ARL5C: variants seen among roughly 807,000 people sequenced by gnomAD.
ARL5C encodes the protein putative ADP-ribosylation factor-like protein 5C.
Under a neutral mutation model 20.8 loss-of-function variants are expected in ARL5C, and 21 were observed. The observed-to-expected ratio is 1.01, with a 90% CI of 0.72 to 1.46. The LOEUF (loss-of-function observed/expected upper bound fraction) is 1.46. Ranked by LOEUF, ARL5C falls within the 40% of genes most tolerant of loss-of-function variation. The pLI, the probability that ARL5C is intolerant of heterozygous loss-of-function variation, is 0.00. For synonymous variants in ARL5C, 71 were observed against 81.6 expected (o/e 0.87, Z 0.70); for missense variants, 199 against 225.1 (o/e 0.88, Z 0.74).
At position 39,165,814 on chromosome 17, in the gene ARL5C, G is replaced by A; in HGVS notation, c.-54C>T. The A allele has an allele frequency of 6.5e-7, 1 of 1,545,620 alleles. No homozygotes were observed. Among genetic ancestry groups the A allele is most frequent in the Middle Eastern group, 1.7e-4 (1 of 5,982 alleles). On this transcript the variant is annotated 5_prime_UTR_variant, in exon 1 of 6. Transcript: ENST00000269586. ...AGGGCTCAGCGGCCTCAGGAGCGGA[G>A]TCGGCCCTGGTATTCGGAGCTCCGC...
chr17:39,158,905 T>C (rs1044987189), intron 5 of ARL5C, among the ~76,000 whole-genome samples: 1 of 151,572 alleles, frequency 6.6e-6, no homozygotes, highest in Admixed American at 6.6e-5. Flanking sequence ...CTCCAACTCC[T>C]GGCCCCAAGC....
Position 39,162,703 on chromosome 17 carries a change from C to T in ARL5C, c.255+8G>A, listed in dbSNP as rs1364953251. On this transcript the variant is annotated splice_region_variant and intron_variant, in intron 3 of 5. Coordinates refer to ENST00000269586, the MANE Select transcript of ARL5C (RefSeq NM_001143968.1). ...TTGGAGACCCTTCAGCCCTGGTGCC[C>T]TCCTCACCTCAGTGTTGGAGTAGTA... 4 of 1,551,090 alleles carry T rather than the reference C, an allele frequency of 2.6e-6. No homozygotes were observed. The highest frequency in any genetic ancestry group is 3.5e-6 in the Non-Finnish European group (4 of 1,146,666).
intron 5 of ARL5C, chr17:39,160,340 G>T: frequency 5.7e-6 from 2 of 351,078 alleles, no homozygotes; most frequent in Non-Finnish European, 1.0e-5. Context: ...AAAAAAAAAA[G>T]AGAGAGAGAT....
chr17:39,161,136 C>G, intron 4 of ARL5C, 132 bp downstream of exon 4: 1 of 834,928 alleles, frequency 1.2e-6, no homozygotes, highest in Non-Finnish European at 1.9e-6. Flanking sequence ...ACAAACCAGC[C>G]CTCCTCATGC....
At chr17:39,163,380 T>TTC (rs1230556478) in intron 2 of ARL5C, among the ~76,000 whole-genome samples, 1 of 133,368 alleles carries the variant, frequency 7.5e-6, no homozygotes, top group African/African-American at 3.4e-5. Context: ...CTTTCTTTCT[T>TTC]TCTTTCTTTC....
chr17:39,162,427 A>G (rs990197866), intron 3 of ARL5C, among the ~76,000 whole-genome samples: 6 of 152,016 alleles, frequency 3.9e-5, no homozygotes, highest in Non-Finnish European at 8.8e-5. Flanking sequence ...CAGCCTCCCG[A>G]GTAGCTGGGA....
At position 39,156,924 on chromosome 17, in the gene ARL5C, C is replaced by A; in HGVS notation, c.510G>T (p.Gln170His). The A allele has an allele frequency of 6.4e-7, 1 of 1,551,856 alleles. No homozygotes were observed. ...LTREGLPARL[Q>H]WMESQAAAN ...TAGCAGCGGCCTGAGATTCCATCCA[C>A]TGAAGTCTGGCAGGCAGCCTGCAGG... The change falls in exon 6 of 6, where the codon CAG (glutamine) becomes CAT (histidine). Residue 170 changes from glutamine (Q) to histidine (H), a missense_variant. Gln to His is a conservative substitution (Grantham distance 24). Transcript: ENST00000269586.
At chr17:39,158,775 T>C (rs910580171) in intron 5 of ARL5C, among the ~76,000 whole-genome samples, 2 of 152,066 alleles carry the variant, frequency 1.3e-5, no homozygotes, top group Non-Finnish European at 2.9e-5. Context: ...CTGCTTAGTG[T>C]CCCTTGTCAG....
rs1193197640 is a variant in ARL5C, at chr17:39,162,803, TCTC to T, written c.160_162del (p.Glu54del). On this transcript the variant is annotated inframe_deletion, in exon 3 of 6. Coordinates refer to ENST00000269586, the MANE Select transcript of ARL5C (RefSeq NM_001143968.1). The stretch of plus-strand genomic sequence containing the variant: ...AAGAAGTGGGTCTTCGGCAGAATGA[TCTC>T]CTCCACGTTGCTGCCAATGGTGGGA... The T allele has an allele frequency of 3.2e-6, 5 of 1,551,500 alleles. No individual in the cohort carries two copies. The highest frequency in any genetic ancestry group is 1.2e-5 in the South Asian group (1 of 84,036).
chr17:39,160,786 AG>A (rs2045430705), intron 4 of ARL5C, 44 bp from the exon 5 acceptor site: 1 of 1,544,008 alleles, frequency 6.5e-7, no homozygotes, highest in East Asian at 2.4e-5. Flanking sequence ...GCTAGTGCCC[AG>A]CCTTCCTTCC....
Position 39,160,621 on chromosome 17 carries a change from A to G in ARL5C, c.461T>C (p.Ile154Thr), listed in dbSNP as rs1263721610. ...CCTGGTGAGGGCACAGCAGCCTTGT[A>G]TATGCCACGAGTGGTCTTTGATGGT... ...LSTIKDHSWHIQGCCALTREG... is the reference protein window; with the variant it reads ...LSTIKDHSWHTQGCCALTREG... The change falls in exon 5 of 6, where the codon ATA (isoleucine) becomes ACA (threonine). Residue 154 changes from isoleucine (I) to threonine (T), a missense_variant. Ile to Thr is a moderately conservative substitution (Grantham distance 89, BLOSUM62 -1). Coordinates refer to ENST00000269586, the MANE Select transcript of ARL5C (RefSeq NM_001143968.1). The G allele has an allele frequency of 1.9e-6, 3 of 1,551,756 alleles. No homozygotes were observed. The highest frequency in any genetic ancestry group is 2.0e-5 in the Admixed American group (1 of 50,986).
chr17:39,163,008 T>A, intron 2 of ARL5C, 150 bp from the exon 3 acceptor site: 1 of 909,630 alleles, frequency 1.1e-6, no homozygotes, highest in Non-Finnish European at 1.6e-6. Context: ...GGCCCCGTGC[T>A]GGGCCCTGGG....
rs1195239052 is a variant in ARL5C, at chr17:39,159,019, CTTG to C, written c.491+1569_491+1571del. Among the ~76,000 whole-genome samples, 466 of 64,000 alleles carry C rather than the reference CTTG, an allele frequency of 7.3e-3. 28 individuals are homozygous for C. The highest frequency in any genetic ancestry group is 0.025 in the African/African-American group (444 of 17,808). 42.0% of individuals were successfully genotyped at this position (64,000 alleles called of 152,430 possible). A position where few individuals can be genotyped will look rare whatever the true frequency, so the allele number is the denominator to read the frequency against. On this transcript the variant is annotated intron_variant, in intron 5 of 5. Transcript: ENST00000269586. ...TCTTTATTCACCTTATCATTTATCACTTGTTTTTTTTTTTTTTTTTTTTTTTTT... is the reference window on the plus strand; with the variant it reads ...TCTTTATTCACCTTATCATTTATCACTTTTTTTTTTTTTTTTTTTTTTTTT...
At chr17:39,158,053 G>A (rs1021743272) in intron 5 of ARL5C, among the ~76,000 whole-genome samples, 12 of 150,600 alleles carry the variant, frequency 8.0e-5, no homozygotes, top group Non-Finnish European at 3.0e-5. Context: ...AGCCGAGATC[G>A]CGCCACTGCG....
chr17:39,165,119 C>T lies in ARL5C; in HGVS notation c.67G>A (p.Gly23Arg). The change falls in exon 2 of 6, where the codon GGA (glycine) becomes AGA (arginine). Residue 23 changes from glycine to arginine, a missense_variant. By Grantham distance (125) the Gly-to-Arg change is moderately radical. Coordinates refer to ENST00000269586, the MANE Select transcript of ARL5C (RefSeq NM_001143968.1). Reference sequence around the variant, plus strand: ...GTGGTCTTTCCTTCATTGTCCAGTCCCACGATGATGACCGTGTGCTCTGGA... The same window carrying T: ...GTGGTCTTTCCTTCATTGTCCAGTCTCACGATGATGACCGTGTGCTCTGGA... ...GNQEHTVIIV[G>R]LDNEGKTTIL... 1 of 1,551,618 alleles carries T rather than the reference C, an allele frequency of 6.4e-7. No individual in the cohort carries two copies. The highest frequency in any genetic ancestry group is 8.7e-7 in the Non-Finnish European group (1 of 1,146,974).
chr17:39,157,698 G>A (rs2045412261), intron 5 of ARL5C, among the ~76,000 whole-genome samples: 1 of 151,972 alleles, frequency 6.6e-6, no homozygotes, highest in Admixed American at 6.6e-5. Context: ...GCTGAGGCAG[G>A]AGAATCCCTT....
intron 2 of ARL5C, among the ~76,000 whole-genome samples, chr17:39,163,345 C>CCTTTCTTTCTTTCTTTCTCTTT (rs2045444113): frequency 1.5e-5 from 2 of 136,740 alleles, no homozygotes; most frequent in East Asian, 4.7e-4. Flanking sequence ...CAGGCTTTTG[C>CCTTTCTTTCTTTCTTTCTCTTT]CTTTCTTTCT....
At position 39,165,840 on chromosome 17, in the gene ARL5C, T is replaced by C; in HGVS notation, c.-80A>G. 1 of 1,506,022 alleles carries C rather than the reference T, an allele frequency of 6.6e-7. No homozygotes were observed. Among genetic ancestry groups the C allele is most frequent in the Middle Eastern group, 1.7e-4 (1 of 5,912 alleles). 93.3% of individuals were successfully genotyped at this position (1,506,022 alleles called of 1,614,324 possible). ...TCGGCCCTGGTATTCGGAGCTCCGC[T>C]CCCCCGGGAGGGTCTGGCAGATTTT... On this transcript the variant is annotated 5_prime_UTR_variant, in exon 1 of 6. Transcript: ENST00000269586.
At chr17:39,164,843 G>C (rs1597669572) in intron 2 of ARL5C, 2 of 459,750 alleles carry the variant, frequency 4.4e-6, no homozygotes, top group Non-Finnish European at 7.8e-6. Flanking sequence ...GGTTTGGCAG[G>C]GCCCCCGGGA....
Sources: gnomAD v4.1 joint callset for allele counts (sites outside exome capture counted in the v4.1 genomes callset) on GRCh38, gnomAD v4.1.1 for gene constraint, MANE v1.5 for transcripts, NCBI Gene and HGNC (gene_info 2026-07-23, HGNC 2026-07-21) for gene names.